The following TRABD2B variants were observed in gnomAD, a reference collection of about 807,000 sequenced individuals.
The protein encoded by TRABD2B is TraB domain containing 2B, also known as metalloprotease TIKI2.
A neutral mutation model predicts 40.1 loss-of-function variants in TRABD2B; 14 were observed. The ratio of observed to expected loss-of-function variants is 0.35; its 90% CI spans 0.23 to 0.55. The LOEUF (loss-of-function observed/expected upper bound fraction) is 0.55. Among genes scored for constraint, TRABD2B ranks in the 20% least tolerant of loss-of-function variants. TRABD2B has a pLI of 0.90. For synonymous variants in TRABD2B, 263 were observed against 277.0 expected (o/e 0.95, Z 0.50); for missense variants, 541 against 648.6 (o/e 0.83, Z 1.80).
intron 2 of TRABD2B, among the ~76,000 whole-genome samples, chr1:47,924,228 A>G (rs1416023010): frequency 6.6e-6 from 1 of 152,218 alleles, no homozygotes; most frequent in East Asian, 1.9e-4. Flanking sequence ...CGGCTCAAGC[A>G]TCTTGGCTGC....
intron 5 of TRABD2B, among the ~76,000 whole-genome samples, chr1:47,777,195 C>T (rs1644459351): frequency 6.6e-6 from 1 of 152,162 alleles, no homozygotes; most frequent in African/African-American, 2.4e-5. Context: ...GGGGAAGGTC[C>T]TTGGGGCTGC....
intron 3 of TRABD2B, among the ~76,000 whole-genome samples, chr1:47,796,158 C>T (rs1321424202): frequency 6.6e-6 from 1 of 152,218 alleles, no homozygotes; most frequent in Non-Finnish European, 1.5e-5. Context: ...GGTGCTCCTG[C>T]ACTGTCTCCT....
intron 2 of TRABD2B, among the ~76,000 whole-genome samples, chr1:47,848,327 C>T (rs929002013): frequency 2.0e-5 from 3 of 152,142 alleles, no homozygotes; most frequent in Non-Finnish European, 4.4e-5. Context: ...CAGTCTGTGA[C>T]CAGGGTGAGG....
intron 4 of TRABD2B, among the ~76,000 whole-genome samples, chr1:47,792,714 CAG>C (rs1644691453): frequency 6.6e-6 from 1 of 152,170 alleles, no homozygotes; most frequent in Admixed American, 6.5e-5. Context: ...TGCTCACAGA[CAG>C]AGCTGGTGGT....
At chr1:47,955,750 G>A (rs1271382349) in intron 2 of TRABD2B, among the ~76,000 whole-genome samples, 1 of 152,124 alleles carries the variant, frequency 6.6e-6, no homozygotes, top group Non-Finnish European at 1.5e-5. Context: ...GATGTCTCCA[G>A]GACCCCCTCC....
intron 2 of TRABD2B, among the ~76,000 whole-genome samples, chr1:47,958,829 C>G (rs2148400171): frequency 6.6e-6 from 1 of 152,208 alleles, no homozygotes. Flanking sequence ...CAAGGATATC[C>G]AGGAATTGAA....
intron 2 of TRABD2B, among the ~76,000 whole-genome samples, chr1:47,970,035 C>T (rs1395005608): frequency 6.6e-6 from 1 of 152,064 alleles, no homozygotes; most frequent in Admixed American, 6.6e-5. Flanking sequence ...CTCTATCCAG[C>T]CCTGACCCCA....
chr1:47,795,062 C>CA (rs1644730227), intron 3 of TRABD2B, among the ~76,000 whole-genome samples: 1 of 152,226 alleles, frequency 6.6e-6, no homozygotes, highest in Non-Finnish European at 1.5e-5. Flanking sequence ...TGAGCCACTG[C>CA]GCATGACCTG....
intron 2 of TRABD2B, among the ~76,000 whole-genome samples, chr1:47,893,022 T>C (rs535391070): frequency 6.6e-6 from 1 of 152,322 alleles, no homozygotes; most frequent in African/African-American, 2.4e-5. Context: ...TAAATGGTGC[T>C]GAGGGCTTCC....
At chr1:47,825,668 AT>A (rs1237349383) in intron 2 of TRABD2B, among the ~76,000 whole-genome samples, 1 of 152,226 alleles carries the variant, frequency 6.6e-6, no homozygotes, top group Non-Finnish European at 1.5e-5. Flanking sequence ...CACTTCAAGA[AT>A]CACTGTCTAT....
At chr1:47,861,764 T>C (rs1283903421) in intron 2 of TRABD2B, among the ~76,000 whole-genome samples, 17 of 152,204 alleles carry the variant, frequency 1.1e-4, no homozygotes, top group Admixed American at 1.1e-3. Flanking sequence ...ACTCATTCTG[T>C]GAGGCCTAAC....
At chr1:47,788,978 T>C (rs909064139) in intron 4 of TRABD2B, among the ~76,000 whole-genome samples, 8 of 152,226 alleles carry the variant, frequency 5.3e-5, no homozygotes, top group Non-Finnish European at 1.0e-4. Flanking sequence ...CCTGTTTCCC[T>C]GGAACTAAGG....
intron 2 of TRABD2B, among the ~76,000 whole-genome samples, chr1:47,970,736 G>A (rs1208840203): frequency 6.6e-6 from 1 of 152,176 alleles, no homozygotes; most frequent in Non-Finnish European, 1.5e-5. Context: ...TTCATTGTGG[G>A]TTGGACTCAG....
intron 2 of TRABD2B, chr1:47,820,314 AT>A (rs1645088814): frequency 6.6e-6 from 1 of 152,196 alleles, no homozygotes; most frequent in Non-Finnish European, 1.5e-5. Flanking sequence ...CTGAGCCTCC[AT>A]CCTTTCAGCA....
At chr1:47,995,958 CAA>C (rs2148469548) in intron 1 of TRABD2B, among the ~76,000 whole-genome samples, 1 of 152,266 alleles carries the variant, frequency 6.6e-6, no homozygotes, top group Admixed American at 6.5e-5. Context: ...GGGTTACTGT[CAA>C]TGCATTAATT....
intron 2 of TRABD2B, among the ~76,000 whole-genome samples, chr1:47,987,358 C>A (rs1467646380): frequency 6.6e-6 from 1 of 152,172 alleles, no homozygotes; most frequent in Non-Finnish European, 1.5e-5. Context: ...CTTTGAGTCC[C>A]TAAATGTCTC....
chr1:47,946,939 T>C (rs537717201), intron 2 of TRABD2B, among the ~76,000 whole-genome samples: 1 of 152,258 alleles, frequency 6.6e-6, no homozygotes, highest in Non-Finnish European at 1.5e-5. Flanking sequence ...GACTAGGTTT[T>C]TTTTTTTTCC....
chr1:47,995,496 G>A (rs1485995125), intron 1 of TRABD2B, among the ~76,000 whole-genome samples: 1 of 130,220 alleles, frequency 7.7e-6, no homozygotes, highest in Non-Finnish European at 1.6e-5. Flanking sequence ...AGGGGAGTGT[G>A]TGTGCGTGTG....
intron 2 of TRABD2B, among the ~76,000 whole-genome samples, chr1:47,927,957 A>G (rs1644991849): frequency 6.6e-6 from 1 of 152,194 alleles, no homozygotes; most frequent in Non-Finnish European, 1.5e-5. Flanking sequence ...GCAGTCTTGG[A>G]CCAGAAGCAT....
Sources: allele counts gnomAD v4.1 joint callset (sites outside exome capture counted in the v4.1 genomes callset), GRCh38; gene constraint gnomAD v4.1.1; transcripts MANE v1.5; gene names NCBI Gene and HGNC (gene_info 2026-07-23, HGNC 2026-07-21).